POLN: variants seen among roughly 807,000 people sequenced by gnomAD.
The protein encoded by POLN is DNA polymerase nu.
POLN carries 108 observed loss-of-function variants against 113.5 expected under a neutral mutation model. That is an observed-to-expected ratio of 0.95 (90% confidence interval 0.81 to 1.12). The LOEUF is 1.12. Ranked by LOEUF, POLN falls within the 50% of genes most tolerant of loss-of-function variation. The probability of loss-of-function intolerance (pLI) is 0.00; values close to 1 mark genes in which losing one functional copy is unlikely to be tolerated. For synonymous variants in POLN, 386 were observed against 391.5 expected (o/e 0.99, Z 0.17); for missense variants, 1,097 against 1,077.1 (o/e 1.02, Z -0.26).
At chr4:2,231,310 T>C (rs1447862959) in intron 2 of POLN, 1 of 152,234 alleles carries the variant, frequency 6.6e-6, no homozygotes, top group Non-Finnish European at 1.5e-5. Flanking sequence ...TTTTAAAATA[T>C]TTAATAGCGG....
In POLN at chr4:2,187,222, C is replaced by T. The variant is rs1167641391; in HGVS notation, c.1021+5982G>A. ...TTCAAAAAATAATAACAGAAAACTTCCCAAATTTTTTGTTTGTTTGTTTTG... is the reference window on the plus strand; with the variant it reads ...TTCAAAAAATAATAACAGAAAACTTTCCAAATTTTTTGTTTGTTTGTTTTG... On this transcript the variant is annotated intron_variant, in intron 7 of 25. Transcript: ENST00000511885. Among the ~76,000 whole-genome samples, 3 of 149,550 alleles carry T rather than the reference C, an allele frequency of 2.0e-5. No individual in the cohort carries two copies. The East Asian group carries it at 5.9e-4, about 29-fold the overall frequency.
Position 2,126,001 on chromosome 4 carries a change from G to A in POLN, c.1982+2112C>T, listed in dbSNP as rs1225076951. On this transcript the variant is annotated intron_variant, in intron 19 of 25. Transcript: ENST00000511885. This position sits in a 1 kb window ranked among gnomAD's most constrained non-coding sequence, Gnocchi z 4.6. ...AGGACAGGGTCACAGAGGGTAAGGT[G>A]CAGGGTCTAAGGAGGAGGACAGAGG... 1.3e-5 allele frequency among the ~76,000 whole-genome samples: 2 copies of A among 152,172 alleles called. No individual in the cohort carries two copies. The highest frequency in any genetic ancestry group is 2.9e-5 in the Non-Finnish European group (2 of 68,032).
intron 7 of POLN, among the ~76,000 whole-genome samples, chr4:2,183,827 T>C (rs1733203166): frequency 6.6e-6 from 1 of 152,090 alleles, no homozygotes; most frequent in Non-Finnish European, 1.5e-5. Context: ...AATTATATCT[T>C]AATAAAACCG....
rs144276109 is a variant in POLN, at chr4:2,187,758, T to C, written c.1021+5446A>G. 3.0e-4 allele frequency among the ~76,000 whole-genome samples: 45 copies of C among 152,186 alleles called. 1 individual carries two copies. The highest frequency in any genetic ancestry group is 1.1e-3 in the African/African-American group (44 of 41,508). ...TAACATATAAAGGAGCTCCAATTCA[T>C]CTGGCAACAGGTTTCTCAACAGAAG... On this transcript the variant is annotated intron_variant, in intron 7 of 25. Coordinates refer to ENST00000511885, the MANE Select transcript of POLN (RefSeq NM_181808.4).
rs1324518879 is a variant in POLN at position 2,148,670 on chromosome 4, C to T, written c.1731+8118G>A. Among the ~76,000 whole-genome samples, 5 of 62,632 alleles carry T rather than the reference C, an allele frequency of 8.0e-5. No individual in the cohort carries two copies. In the East Asian group the frequency reaches 9.6e-4, roughly 12 times the overall value. 41.1% of individuals were successfully genotyped at this position (62,632 alleles called of 152,430 possible). Reference sequence around the variant, plus strand: ...CGACAGAGCGAGACTCTGTCCCCCCCCCAAAAAAAAAAAGTATGTGAATAA... The same window carrying T: ...CGACAGAGCGAGACTCTGTCCCCCCTCCAAAAAAAAAAAGTATGTGAATAA... On this transcript the variant is annotated intron_variant, in intron 16 of 25. Coordinates refer to ENST00000511885, the MANE Select transcript of POLN (RefSeq NM_181808.4).
intron 13 of POLN, 87 bp downstream of exon 13, chr4:2,170,592 A>G: frequency 8.8e-7 from 1 of 1,139,100 alleles, no homozygotes; most frequent in East Asian, 2.4e-5. Context: ...ACGGCCTGAG[A>G]GTCTCGGGTG....
chr4:2,150,371 G>C lies in POLN; in HGVS notation c.1731+6417C>G, dbSNP rs538119269. On this transcript the variant is annotated intron_variant, in intron 16 of 25. Coordinates refer to ENST00000511885, the MANE Select transcript of POLN (RefSeq NM_181808.4). ...GAGAACAATACCAGGGATAAAAAAG[G>C]TTATTTTATCAAAATAAAGTGGCCA... Among the ~76,000 whole-genome samples the C allele has an allele frequency of 1.2e-4, 19 of 152,024 alleles. 1 individual carries two copies. In the East Asian group the frequency reaches 3.7e-3, roughly 29 times the overall value.
At chr4:2,083,075 C>T (rs905310702) in intron 21 of POLN, 62 of 152,210 alleles carry the variant, frequency 4.1e-4, no homozygotes, top group African/African-American at 1.4e-3. Context: ...TCCATGGTAA[C>T]TCTGGAATCA....
At chr4:2,157,018 C>G (rs1732451581) in intron 15 of POLN, among the ~76,000 whole-genome samples, 165 bp from the exon 16 acceptor site, 1 of 152,202 alleles carries the variant, frequency 6.6e-6, no homozygotes, top group Non-Finnish European at 1.5e-5. Context: ...GGTTACAAAA[C>G]TCCTGACACG....
intron 2 of POLN, chr4:2,241,018 G>A (rs926522777): frequency 8.3e-7 from 1 of 1,210,638 alleles, no homozygotes; most frequent in Non-Finnish European, 1.2e-6. Flanking sequence ...ATAAATCCAA[G>A]CAGAAAAAAA....
chr4:2,110,339 C>T (rs1443745751), intron 19 of POLN, among the ~76,000 whole-genome samples: 1 of 151,940 alleles, frequency 6.6e-6, no homozygotes, highest in Non-Finnish European at 1.5e-5. Flanking sequence ...ACTAGAGAAG[C>T]AAGAGCAAAC....
Position 2,179,402 on chromosome 4 carries a change from G to A in POLN, c.1085C>T (p.Thr362Ile). 6.2e-7 allele frequency: 1 copy of A among 1,613,356 alleles called. No homozygotes were observed. The highest frequency in any genetic ancestry group is 8.5e-7 in the Non-Finnish European group (1 of 1,179,304). Residue 362 changes from threonine (T) to isoleucine (I), a missense_variant, in exon 8 of 26, where the codon ACA becomes ATA. Physicochemically the swap from Thr to Ile is moderately conservative, Grantham distance 89 (BLOSUM62 -1). Coordinates refer to ENST00000511885, the MANE Select transcript of POLN (RefSeq NM_181808.4). ...AAWLIDPSDATPSFEDLVEKY... is the reference protein window; with the variant it reads ...AAWLIDPSDAIPSFEDLVEKY... The stretch of plus-strand genomic sequence containing the variant: ...TTCTACTAAATCTTCAAAAGAGGGT[G>A]TGGCATCACTAGGATCTATAAGCCA...
chr4:2,189,267 C>T (rs1733373686), intron 7 of POLN, among the ~76,000 whole-genome samples: 1 of 152,186 alleles, frequency 6.6e-6, no homozygotes, highest in Non-Finnish European at 1.5e-5. Context: ...CTATTTCCTG[C>T]TTACTAGAAA....
At position 2,174,798 on chromosome 4, in the gene POLN, G is replaced by C. The variant is rs747777111; in HGVS notation, c.1249-47C>G. On this transcript the variant is annotated intron_variant, in intron 9 of 25. Coordinates refer to ENST00000511885, the MANE Select transcript of POLN (RefSeq NM_181808.4). Reference sequence around the variant, plus strand: ...CATCAACGTCAATTTAAATATTATTGTATCTGCATTTTGTTGAAAAGCCTA... The same window carrying C: ...CATCAACGTCAATTTAAATATTATTCTATCTGCATTTTGTTGAAAAGCCTA... 9.9e-6 allele frequency: 13 copies of C among 1,315,786 alleles called. No homozygotes were observed. The South Asian group carries it at 1.7e-4, about 17-fold the overall frequency. The allele number at this position is 1,315,786 out of a possible 1,614,324, so 81.5% of individuals were successfully genotyped here. A position where few individuals can be genotyped will look rare whatever the true frequency, so the allele number is the denominator to read the frequency against.
intron 3 of POLN, among the ~76,000 whole-genome samples, chr4:2,218,803 C>G (rs1390996661): frequency 6.6e-6 from 1 of 152,172 alleles, no homozygotes; most frequent in Non-Finnish European, 1.5e-5. Flanking sequence ...ACATCCAGCC[C>G]ACCAGCTGTC....
intron 16 of POLN, among the ~76,000 whole-genome samples, chr4:2,138,315 G>C (rs894759590): frequency 1.3e-5 from 2 of 152,244 alleles, no homozygotes; most frequent in African/African-American, 4.8e-5. Flanking sequence ...CCAGACATTA[G>C]TTACCCCAAG....
At chr4:2,160,261 G>C (rs1732547069) in intron 13 of POLN, among the ~76,000 whole-genome samples, 1 of 152,138 alleles carries the variant, frequency 6.6e-6, no homozygotes, top group Non-Finnish European at 1.5e-5. Context: ...CTTTCATTAA[G>C]CCCCTGTTCG....
At chr4:2,080,870 T>C in intron 23 of POLN, 88 bp downstream of exon 23, 2 of 1,605,266 alleles carry the variant, frequency 1.2e-6, no homozygotes, top group South Asian at 1.1e-5. Flanking sequence ...GCAGAGATGG[T>C]GATCATCAGA....
At chr4:2,102,837 G>C (rs1451039269) in intron 19 of POLN, among the ~76,000 whole-genome samples, 3 of 152,130 alleles carry the variant, frequency 2.0e-5, no homozygotes, top group Non-Finnish European at 4.4e-5. Flanking sequence ...AAATCATACA[G>C]AGTCTTCACT....
Sources: gnomAD v4.1 joint callset for allele counts (sites outside exome capture counted in the v4.1 genomes callset) on GRCh38, gnomAD v4.1.1 for gene constraint, Gnocchi (gnomAD v3.1) non-coding constraint, MANE v1.5 for transcripts, NCBI Gene and HGNC (gene_info 2026-07-23, HGNC 2026-07-21) for gene names.